The following PSMG2 variants were observed in gnomAD, a reference collection of about 807,000 sequenced individuals.
The protein encoded by PSMG2 is proteasome assembly chaperone 2.
PSMG2 carries 21 observed loss-of-function variants against 31.5 expected under a neutral mutation model. The ratio of observed to expected loss-of-function variants is 0.67; its 90% CI spans 0.47 to 0.96. The LOEUF is 0.96. PSMG2 is among the 40% of genes least tolerant of loss of function. The pLI is 0.00. For missense variants in PSMG2, 318 were observed against 321.2 expected, an observed-to-expected ratio of 0.99 and a Z score of 0.08; for synonymous variants, 120 against 110.4, an observed-to-expected ratio of 1.09 and a Z score of -0.54.
At chr18:12,662,878 T>C (rs954221845) in intron 1 of PSMG2, among the ~76,000 whole-genome samples, 1 of 152,258 alleles carries the variant, frequency 6.6e-6, no homozygotes, top group African/African-American at 2.4e-5. Flanking sequence ...TGGAAAATAC[T>C]AGGCTAAGCA....
At chr18:12,675,551 A>G (rs1293874788) in intron 1 of PSMG2, among the ~76,000 whole-genome samples, 1 of 152,224 alleles carries the variant, frequency 6.6e-6, no homozygotes, top group Non-Finnish European at 1.5e-5. Flanking sequence ...CTGAACATGT[A>G]CTCTATAAAA....
At chr18:12,690,134 G>A (rs1411098694) in intron 1 of PSMG2, among the ~76,000 whole-genome samples, 1 of 152,106 alleles carries the variant, frequency 6.6e-6, no homozygotes, top group Non-Finnish European at 1.5e-5. Flanking sequence ...CCTTTGTCCT[G>A]ATAATGTTGT....
intron 3 of PSMG2, among the ~76,000 whole-genome samples, chr18:12,713,134 C>G (rs2040346804): frequency 6.6e-6 from 1 of 152,098 alleles, no homozygotes; most frequent in African/African-American, 2.4e-5. Flanking sequence ...GACTTCTTTC[C>G]TCCTCCACTG....
At chr18:12,689,764 T>TTA (rs146278847) in intron 1 of PSMG2, among the ~76,000 whole-genome samples, 13,683 of 150,860 alleles carry the variant, frequency 0.091, 799 homozygotes, top group Non-Finnish European at 0.13. Flanking sequence ...GGGAGCCAGT[T>TTA]TATATATATA....
At chr18:12,715,509 T>TA (rs1179969582) in intron 3 of PSMG2, among the ~76,000 whole-genome samples, 1 of 152,034 alleles carries the variant, frequency 6.6e-6, no homozygotes, top group Non-Finnish European at 1.5e-5. Context: ...CTTTTTATTT[T>TA]AACTTTTCTT....
rs71174122 is a variant in PSMG2, at chr18:12,669,032, C to CTTTT, written c.-37+10282_-37+10285dup. Among the ~76,000 whole-genome samples, 68 of 41,940 alleles carry CTTTT rather than the reference C, an allele frequency of 1.6e-3. 19 individuals carry two copies. The highest frequency in any genetic ancestry group is 3.4e-3 in the South Asian group (5 of 1,492). 27.5% of individuals were successfully genotyped at this position (41,940 alleles called of 152,430 possible). On this transcript the variant is annotated intron_variant, in intron 1 of 6. Coordinates refer to the PSMG2 transcript ENST00000585331. ...GGCTTGAGCTACCGCACCCCCCGCA[C>CTTTT]TTTTTTTTTTTTTTTTTTTTTTTTT...
intron 1 of PSMG2, among the ~76,000 whole-genome samples, chr18:12,679,826 G>A (rs2039281074): frequency 1.3e-5 from 2 of 152,072 alleles, no homozygotes; most frequent in African/African-American, 2.4e-5. Context: ...ACTTTGGAAG[G>A]CCGTGGCAGG....
chr18:12,680,901 A>G, intron 1 of PSMG2: 2 of 1,335,820 alleles, frequency 1.5e-6, no homozygotes, highest in South Asian at 1.5e-5. Context: ...ATACTAAATT[A>G]TAATAAAAAT....
At chr18:12,663,866 C>T (rs1423695220) in intron 1 of PSMG2, among the ~76,000 whole-genome samples, 3 of 152,160 alleles carry the variant, frequency 2.0e-5, no homozygotes, top group Non-Finnish European at 2.9e-5. Flanking sequence ...AACTCCTGTG[C>T]TCAAAAGAAT....
At chr18:12,690,737 G>GCTGGGATTAC (rs1568025338) in intron 1 of PSMG2, among the ~76,000 whole-genome samples, 2 of 152,170 alleles carry the variant, frequency 1.3e-5, no homozygotes, top group African/African-American at 4.8e-5. Context: ...TTACAGGCGT[G>GCTGGGATTAC]AGCCACCGCG....
At chr18:12,714,761 A>G (rs916242024) in intron 3 of PSMG2, among the ~76,000 whole-genome samples, 2 of 151,940 alleles carry the variant, frequency 1.3e-5, no homozygotes. Flanking sequence ...CCCAAAGTGC[A>G]ATGGCGTGAT....
At chr18:12,691,270 A>G (rs2039751940) in intron 1 of PSMG2, 1 of 839,802 alleles carries the variant, frequency 1.2e-6, no homozygotes, top group Non-Finnish European at 1.7e-6. Flanking sequence ...TTTGGAATAC[A>G]TTTTACAAAT....
At chr18:12,680,928 G>A in intron 1 of PSMG2, 3 of 1,120,314 alleles carry the variant, frequency 2.7e-6, no homozygotes, top group Non-Finnish European at 3.7e-6. Flanking sequence ...GCTGGGCACA[G>A]TGGCTCACGC....
intron 1 of PSMG2, among the ~76,000 whole-genome samples, chr18:12,706,188 G>A (rs1162522483): frequency 6.6e-6 from 1 of 152,220 alleles, no homozygotes; most frequent in African/African-American, 2.4e-5. Flanking sequence ...AGTGCTGTGG[G>A]CCAGGCGTGT....
rs200304573 is a variant in PSMG2, at chr18:12,720,648, G to A, written c.546G>A (p.Pro182=). 1.6e-4 allele frequency: 264 copies of A among 1,612,834 alleles called. 2 individuals carry two copies. Among genetic ancestry groups the A allele is most frequent in the South Asian group, 4.4e-4 (40 of 90,810 alleles). ...IDDSEFCIRI[P]GGGITKTLYD... Reference sequence around the variant, plus strand: ...ATTCCGAGTTTTGTATCCGCATTCCGGGAGGAGGTATCACAAAAACACTCT... The same window carrying A: ...ATTCCGAGTTTTGTATCCGCATTCCAGGAGGAGGTATCACAAAAACACTCT... Residue 182 remains proline (P), a synonymous_variant, in exon 5 of 7, where the codon CCG becomes CCA. Coordinates refer to ENST00000317615, the MANE Select transcript of PSMG2 (RefSeq NM_020232.5).
At chr18:12,723,370 T>G (rs2040448320) in intron 5 of PSMG2, among the ~76,000 whole-genome samples, 2 of 151,804 alleles carry the variant, frequency 1.3e-5, no homozygotes, top group South Asian at 4.2e-4. Flanking sequence ...AGACTATGTT[T>G]TGGAGTTAGA....
At chr18:12,678,590 T>G in intron 1 of PSMG2, 2 of 588,740 alleles carry the variant, frequency 3.4e-6, no homozygotes, top group South Asian at 2.5e-5. Context: ...TTTCCACAAT[T>G]TGATTACTCT....
chr18:12,713,522 T>C (rs149493265), intron 3 of PSMG2, among the ~76,000 whole-genome samples: 223 of 152,288 alleles, frequency 1.5e-3, no homozygotes, highest in African/African-American at 5.1e-3. Context: ...TGGAAGGTCC[T>C]TGGGCATGCA....
At chr18:12,674,877 TTAA>T (rs891659972) in intron 1 of PSMG2, 9 of 532,548 alleles carry the variant, frequency 1.7e-5, no homozygotes, top group African/African-American at 3.9e-5. Flanking sequence ...TCATAATATT[TTAA>T]TAATAATAAT....
Sources: gnomAD v4.1 joint callset for allele counts (sites outside exome capture counted in the v4.1 genomes callset) on GRCh38, gnomAD v4.1.1 for gene constraint, MANE v1.5 for transcripts, NCBI Gene and HGNC (gene_info 2026-07-23, HGNC 2026-07-21) for gene names.